UPRT: variants seen among roughly 807,000 people sequenced by gnomAD.
The protein encoded by UPRT is RP11-311P8.3.
A neutral mutation model predicts 22.6 loss-of-function variants in UPRT; 5 were observed. The ratio of observed to expected loss-of-function variants is 0.22; its 90% CI spans 0.12 to 0.47. UPRT has a LOEUF of 0.47. Ranked by LOEUF, UPRT falls within the 20% of genes least tolerant of loss-of-function variation. The probability of loss-of-function intolerance (pLI) is 0.99; values close to 1 mark genes in which losing one functional copy is unlikely to be tolerated. For missense variants in UPRT, 181 were observed against 239.9 expected, an observed-to-expected ratio of 0.75 and a Z score of 1.62; for synonymous variants, 77 against 87.7, an observed-to-expected ratio of 0.88 and a Z score of 0.68.
At position 75,234,447 on chromosome X, in the gene UPRT, C is replaced by G. The variant is rs2082452083; in HGVS notation, c.-446-56577C>G. On this transcript the variant is annotated intron_variant, in intron 4 of 13. Coordinates refer to the UPRT transcript ENST00000652605. ...TGTACCAAGCAGACCTAAGAGACAT[C>G]TACAGAACACTCTACCCCAAATCAA... Among the ~76,000 whole-genome samples, 4 of 111,665 alleles carry G rather than the reference C, an allele frequency of 3.6e-5. No homozygotes were observed. The South Asian group carries it at 1.5e-3, about 42-fold the overall frequency.
chrX:75,169,201 C>T (rs769609210), intron 4 of UPRT, among the ~76,000 whole-genome samples: 2 of 112,011 alleles, frequency 1.8e-5, no homozygotes, highest in South Asian at 7.5e-4. Flanking sequence ...TGGGTGGGTT[C>T]CATATTTTTG....
At chrX:75,254,616 T>G (rs2082543089) in intron 4 of UPRT, among the ~76,000 whole-genome samples, 1 of 111,816 alleles carries the variant, frequency 8.9e-6, no homozygotes, top group African/African-American at 3.3e-5. Context: ...GGGGGAATAA[T>G]TGAGGAAAAC....
chrX:75,187,833 C>T lies in UPRT; in HGVS notation c.-447+19954C>T, dbSNP rs140955479. 3.9e-4 allele frequency among the ~76,000 whole-genome samples: 44 copies of T among 112,434 alleles called. 1 individual carries two copies. In the East Asian group the frequency reaches 8.6e-3, roughly 22 times the overall value. On this transcript the variant is annotated intron_variant, in intron 4 of 13. Coordinates refer to the UPRT transcript ENST00000652605. ...ACCGCATCAGCTCCTGAGGCTTCTG[C>T]ATTCTTCACGTAGTTGTCCAGCCTT...
intron 4 of UPRT, among the ~76,000 whole-genome samples, chrX:75,299,462 A>G (rs1440154979): frequency 1.8e-5 from 2 of 112,046 alleles, no homozygotes; most frequent in East Asian, 2.8e-4. Context: ...TTTATTTCCT[A>G]TAATCACGGA....
intron 4 of UPRT, among the ~76,000 whole-genome samples, chrX:75,226,081 C>T (rs938891378): frequency 1.5e-4 from 17 of 111,384 alleles, no homozygotes; most frequent in Admixed American, 3.8e-4. Context: ...AAATTTTTAT[C>T]TTCCTGTTGC....
At chrX:75,296,633 A>G (rs1369722782) in intron 3 of UPRT, among the ~76,000 whole-genome samples, 1 of 111,912 alleles carries the variant, frequency 8.9e-6, no homozygotes, top group East Asian at 2.8e-4. Flanking sequence ...TTAAAGGTTA[A>G]CAAATACTCT....
intron 4 of UPRT, among the ~76,000 whole-genome samples, chrX:75,264,378 A>C (rs1439817223): frequency 9.0e-6 from 1 of 111,352 alleles, no homozygotes; most frequent in Non-Finnish European, 1.9e-5. Flanking sequence ...GTAGGTCTCT[A>C]AGGACTTGCT....
chrX:75,265,004 G>T (rs781732821), intron 4 of UPRT, among the ~76,000 whole-genome samples: 4 of 111,502 alleles, frequency 3.6e-5, no homozygotes, highest in South Asian at 7.5e-4. Flanking sequence ...GTTGAATATC[G>T]GCCCCCACTC....
intron 1 of UPRT, among the ~76,000 whole-genome samples, chrX:75,290,921 C>T (rs1489643690): frequency 2.7e-5 from 3 of 110,907 alleles, no homozygotes; most frequent in Non-Finnish European, 5.7e-5. Flanking sequence ...AGGTAAAAAA[C>T]CTGCACATGT....
chrX:75,230,397 C>T (rs1189443397), intron 4 of UPRT, among the ~76,000 whole-genome samples: 1 of 111,258 alleles, frequency 9.0e-6, no homozygotes, highest in Non-Finnish European at 1.9e-5. Context: ...AACAAAAAAC[C>T]CTAGTACTCA....
At chrX:75,264,733 T>C (rs1452298522) in intron 4 of UPRT, among the ~76,000 whole-genome samples, 1 of 111,888 alleles carries the variant, frequency 8.9e-6, no homozygotes, top group East Asian at 2.8e-4. Context: ...CCTGTCATTA[T>C]GACGTTAGCT....
chrX:75,158,320 A>G (rs1043905543), intron 1 of UPRT, among the ~76,000 whole-genome samples: 1 of 112,339 alleles, frequency 8.9e-6, no homozygotes, highest in African/African-American at 3.2e-5. Context: ...AGACAGAGGT[A>G]TACACAATAA....
intron 2 of UPRT, among the ~76,000 whole-genome samples, chrX:75,294,401 T>A (rs1275198896): frequency 2.7e-5 from 3 of 110,854 alleles, no homozygotes; most frequent in Non-Finnish European, 3.8e-5. Flanking sequence ...TGGTCTCTAA[T>A]CTCTTGGTGT....
intron 4 of UPRT, among the ~76,000 whole-genome samples, chrX:75,267,561 A>G (rs1255946493): frequency 8.9e-6 from 1 of 112,063 alleles, no homozygotes; most frequent in Non-Finnish European, 1.9e-5. Context: ...TGTACCCTAG[A>G]ACTTAAAGTA....
intron 4 of UPRT, among the ~76,000 whole-genome samples, chrX:75,298,796 A>G (rs762586603): frequency 1.3e-4 from 15 of 111,779 alleles, no homozygotes; most frequent in Non-Finnish European, 2.1e-4. Flanking sequence ...TTTAAGGTGC[A>G]GTTTCTTCTG....
chrX:75,185,796 A>G (rs77766785), intron 4 of UPRT, among the ~76,000 whole-genome samples: 70,944 of 110,687 alleles, frequency 0.64, 20,517 homozygotes, highest in Non-Finnish European at 0.91. Flanking sequence ...TAGATTTTCT[A>G]GTTTATTTGC....
chrX:75,244,741 C>A, intron 4 of UPRT, among the ~76,000 whole-genome samples: 1 of 110,871 alleles, frequency 9.0e-6, no homozygotes, highest in South Asian at 3.8e-4. Context: ...TAAAACTGGG[C>A]CCCTTCCTTA....
intron 4 of UPRT, among the ~76,000 whole-genome samples, chrX:75,173,778 C>T (rs951160638): frequency 1.9e-4 from 21 of 111,470 alleles, no homozygotes; most frequent in South Asian, 3.8e-4. Context: ...AGAAATTGAG[C>T]GCAGCGCTGG....
At chrX:75,218,444 T>C (rs1440548067) in intron 4 of UPRT, among the ~76,000 whole-genome samples, 16 of 101,419 alleles carry the variant, frequency 1.6e-4, no homozygotes, top group African/African-American at 5.5e-4. Context: ...TTGGTGGGAC[T>C]GTAAACTAGT....
Sources: gnomAD v4.1 joint callset for allele counts (sites outside exome capture counted in the v4.1 genomes callset) on GRCh38, gnomAD v4.1.1 for gene constraint, MANE v1.5 for transcripts, NCBI Gene and HGNC (gene_info 2026-07-23, HGNC 2026-07-21) for gene names.